Variants in ZNF804B observed in about 807,000 individuals in gnomAD.
ZNF804B encodes the protein zinc finger 804B.
Under a neutral mutation model 101.4 loss-of-function variants are expected in ZNF804B, and 80 were observed. The observed-to-expected ratio is 0.79, with a 90% CI of 0.66 to 0.95. The LOEUF (loss-of-function observed/expected upper bound fraction) is 0.95. Ranked by LOEUF, ZNF804B falls within the 40% of genes least tolerant of loss-of-function variation. The pLI, the probability that ZNF804B is intolerant of heterozygous loss-of-function variation, is 0.00. For synonymous variants in ZNF804B, 622 were observed against 558.8 expected (o/e 1.11, Z -1.59); for missense variants, 1,673 against 1,561.9 (o/e 1.07, Z -1.20).
chr7:88,859,188 C>T (rs953254842), intron 1 of ZNF804B, among the ~76,000 whole-genome samples: 14 of 151,494 alleles, frequency 9.2e-5, no homozygotes, highest in African/African-American at 2.9e-4. Flanking sequence ...TATGGGTGTG[C>T]GTGCATGTGT....
At chr7:88,787,597 A>T (rs1020275667) in intron 1 of ZNF804B, among the ~76,000 whole-genome samples, 1 of 152,200 alleles carries the variant, frequency 6.6e-6, no homozygotes, top group African/African-American at 2.4e-5. Flanking sequence ...TTCTTCAAAG[A>T]TGTCACCATA....
Position 89,117,061 on chromosome 7 carries a change from C to T in ZNF804B, c.109-101094C>T, listed in dbSNP as rs150798060. Reference sequence around the variant, plus strand: ...ACTGAGAGAGGTTTGAAGATACGAACCTTGAAAATTGGATGATGTGCCAGA... The same window carrying T: ...ACTGAGAGAGGTTTGAAGATACGAATCTTGAAAATTGGATGATGTGCCAGA... On this transcript the variant is annotated intron_variant, in intron 1 of 3. Transcript: ENST00000333190. Among the ~76,000 whole-genome samples the T allele has an allele frequency of 2.9e-4, 44 of 152,180 alleles. 1 individual carries two copies. The East Asian group carries it at 7.4e-3, about 25-fold the overall frequency.
At position 89,274,701 on chromosome 7, in the gene ZNF804B, T is replaced by C. The variant is rs192172678; in HGVS notation, c.250-52643T>C. On this transcript the variant is annotated intron_variant, in intron 2 of 3. Transcript: ENST00000333190. ...CTCTTTTAACTGCAGTCTAATATTA[T>C]GAAAAAGTTTGTGTATCCATCTAGA... is the stretch of plus-strand genomic sequence containing the variant. Among the ~76,000 whole-genome samples, 83 of 151,996 alleles carry C rather than the reference T, an allele frequency of 5.5e-4. No individual in the cohort carries two copies. The East Asian group carries it at 0.011, about 20-fold the overall frequency.
chr7:89,236,608 G>T (rs1485252060), intron 2 of ZNF804B, among the ~76,000 whole-genome samples: 2 of 152,018 alleles, frequency 1.3e-5, no homozygotes, highest in Non-Finnish European at 2.9e-5. Flanking sequence ...TAAATTCATG[G>T]TAAAATACAA....
intron 1 of ZNF804B, among the ~76,000 whole-genome samples, chr7:89,073,296 G>A (rs968511254): frequency 8.5e-5 from 13 of 152,100 alleles, no homozygotes; most frequent in Non-Finnish European, 2.9e-5. Context: ...GTATTTTGGG[G>A]AGGTAGGAAT....
At chr7:89,213,072 CAG>C (rs988844569) in intron 1 of ZNF804B, among the ~76,000 whole-genome samples, 1 of 152,140 alleles carries the variant, frequency 6.6e-6, no homozygotes, top group Non-Finnish European at 1.5e-5. Context: ...TTCTGTAAGA[CAG>C]AGGCTGACAT....
At chr7:88,882,458 G>A (rs943134581) in intron 1 of ZNF804B, among the ~76,000 whole-genome samples, 1 of 152,144 alleles carries the variant, frequency 6.6e-6, no homozygotes, top group African/African-American at 2.4e-5. Context: ...GTGGAAAGCA[G>A]TTTGGAGATT....
At chr7:88,968,153 T>TAATTACA (rs3034333) in intron 1 of ZNF804B, among the ~76,000 whole-genome samples, 107,579 of 151,168 alleles carry the variant, frequency 0.71, 39,159 homozygotes, top group African/African-American at 0.88. Flanking sequence ...TTTCAAGAAC[T>TAATTACA]AAAATGGTGT....
At chr7:88,804,082 T>C (rs1050779828) in intron 1 of ZNF804B, among the ~76,000 whole-genome samples, 3 of 152,094 alleles carry the variant, frequency 2.0e-5, no homozygotes, top group African/African-American at 7.2e-5. Context: ...GACCATTTAA[T>C]ATTGGCAATT....
chr7:88,926,938 G>GAGGC (rs113089451), intron 1 of ZNF804B, among the ~76,000 whole-genome samples: 1 of 142,600 alleles, frequency 7.0e-6, no homozygotes, highest in Non-Finnish European at 1.5e-5. Flanking sequence ...CCGGGTGGTG[G>GAGGC]GGAGCGGGGG....
chr7:89,201,107 A>AT (rs1044581333), intron 1 of ZNF804B, among the ~76,000 whole-genome samples: 2 of 151,830 alleles, frequency 1.3e-5, no homozygotes, highest in African/African-American at 2.4e-5. Flanking sequence ...AATGAAAGTT[A>AT]TTTTTTTCAT....
chr7:89,161,360 T>G (rs935751825), intron 1 of ZNF804B, among the ~76,000 whole-genome samples: 1 of 152,028 alleles, frequency 6.6e-6, no homozygotes, highest in Non-Finnish European at 1.5e-5. Flanking sequence ...CTATGTTACA[T>G]GATCTCAATA....
At chr7:89,120,292 A>C (rs1193586888) in intron 1 of ZNF804B, among the ~76,000 whole-genome samples, 2 of 151,598 alleles carry the variant, frequency 1.3e-5, no homozygotes, top group African/African-American at 2.4e-5. Context: ...CCATCTAAAA[A>C]ACAAAGAAAG....
chr7:89,015,772 T>G (rs1048264030), intron 1 of ZNF804B, among the ~76,000 whole-genome samples: 206 of 152,292 alleles, frequency 1.4e-3, no homozygotes, highest in Non-Finnish European at 2.0e-3. Context: ...GTCTTTGCTA[T>G]TGTGAATAGT....
At chr7:88,879,038 GAAA>G (rs1157431104) in intron 1 of ZNF804B, among the ~76,000 whole-genome samples, 1 of 152,166 alleles carries the variant, frequency 6.6e-6, no homozygotes, top group African/African-American at 2.4e-5. Context: ...GGGAGAAGAA[GAAA>G]TGTTGGCAGA....
intron 1 of ZNF804B, among the ~76,000 whole-genome samples, chr7:89,201,984 A>G (rs2115652478): frequency 6.6e-6 from 1 of 152,182 alleles, no homozygotes; most frequent in Middle Eastern, 3.4e-3. Flanking sequence ...AATGCCTAAC[A>G]TACGATTTTG....
chr7:89,237,163 C>T (rs1789297157), intron 2 of ZNF804B, among the ~76,000 whole-genome samples: 1 of 151,930 alleles, frequency 6.6e-6, no homozygotes, highest in African/African-American at 2.4e-5. Flanking sequence ...ATAATGTAAA[C>T]ATGAATAACA....
rs143963004 is a variant in ZNF804B, at chr7:89,188,809, G to A, written c.109-29346G>A. On this transcript the variant is annotated intron_variant, in intron 1 of 3. Coordinates refer to ENST00000333190, the MANE Select transcript of ZNF804B (RefSeq NM_181646.5). ...TTTAATTCTGTGAAAGCTAGGAGAG[G>A]TGAGGAAGCTGTAGAAGAAAAGATT... is the stretch of plus-strand genomic sequence containing the variant. Among the ~76,000 whole-genome samples, 166 of 152,260 alleles carry A rather than the reference G, an allele frequency of 1.1e-3. 1 individual carries two copies. The East Asian group carries it at 0.027, about 24-fold the overall frequency.
chr7:89,095,118 G>T (rs1789952502), intron 1 of ZNF804B, among the ~76,000 whole-genome samples: 1 of 152,078 alleles, frequency 6.6e-6, no homozygotes, highest in South Asian at 2.1e-4. Context: ...AGGAAGTGTG[G>T]CTTTTGGGAG....
Sources: gnomAD v4.1 joint callset for allele counts (sites outside exome capture counted in the v4.1 genomes callset) on GRCh38, gnomAD v4.1.1 for gene constraint, MANE v1.5 for transcripts, NCBI Gene and HGNC (gene_info 2026-07-23, HGNC 2026-07-21) for gene names.